RALGPS1: variants seen among roughly 807,000 people sequenced by gnomAD.
The protein encoded by RALGPS1 is ras-specific guanine nucleotide-releasing factor RalGPS1.
Under a neutral mutation model 78.8 loss-of-function variants are expected in RALGPS1, and 19 were observed. The ratio of observed to expected loss-of-function variants is 0.24; its 90% CI spans 0.17 to 0.35. The LOEUF (loss-of-function observed/expected upper bound fraction) is 0.35. Ranked by LOEUF, RALGPS1 falls within the 10% of genes least tolerant of loss-of-function variation. The pLI is 1.00. For missense variants in RALGPS1, 454 were observed against 688.3 expected, an observed-to-expected ratio of 0.66 and a Z score of 3.81; for synonymous variants, 228 against 256.3, an observed-to-expected ratio of 0.89 and a Z score of 1.06.
chr9:127,057,692 A>G (rs1170953650), intron 7 of RALGPS1, among the ~76,000 whole-genome samples: 2 of 152,218 alleles, frequency 1.3e-5, no homozygotes, highest in Non-Finnish European at 2.9e-5. Context: ...TGTAGCAGCC[A>G]TTTCTGATTT....
chr9:127,176,456 G>GACAGCA (rs2059882697), intron 11 of RALGPS1, among the ~76,000 whole-genome samples: 1 of 152,236 alleles, frequency 6.6e-6, no homozygotes, highest in Admixed American at 6.5e-5. Context: ...GACTGTAGGA[G>GACAGCA]ACAGCAGTTG....
At chr9:127,073,973 C>T (rs1478964704) in intron 8 of RALGPS1, among the ~76,000 whole-genome samples, 1 of 152,142 alleles carries the variant, frequency 6.6e-6, no homozygotes, top group African/African-American at 2.4e-5. Context: ...CCTCTGCCTC[C>T]CGGGTTCAAG....
intron 8 of RALGPS1, chr9:127,088,733 T>C (rs2052072617): frequency 1.6e-6 from 1 of 613,980 alleles, no homozygotes. Flanking sequence ...AGGGGCTGTC[T>C]GGTGTGAAGG....
At chr9:127,018,309 TA>T (rs61463787) in intron 4 of RALGPS1, among the ~76,000 whole-genome samples, 76,673 of 145,362 alleles carry the variant, frequency 0.53, 19,959 homozygotes, top group African/African-American at 0.58. Flanking sequence ...ATAGTTAACT[TA>T]AAAAAAAAAA....
At chr9:126,965,720 A>G in intron 2 of RALGPS1, 124 bp from the exon 3 acceptor site, 1 of 692,360 alleles carries the variant, frequency 1.4e-6, no homozygotes, top group South Asian at 1.8e-5. Flanking sequence ...AGCTCTAATC[A>G]ATAGAAGCCA....
rs373061978 is a variant in RALGPS1 at position 127,160,411 on chromosome 9, A to T, written c.611-5658A>T. Among the ~76,000 whole-genome samples the T allele has an allele frequency of 8.9e-4, 135 of 152,272 alleles. 1 individual carries two copies. The highest frequency in any genetic ancestry group is 3.0e-3 in the African/African-American group (125 of 41,542). On this transcript the variant is annotated intron_variant, in intron 8 of 18. Transcript: ENST00000259351. ...AGGGCTTCTGGAGCAGAACGAGGTG[A>T]GAGCTGCCCACTCTGGCCCTGGGGG...
intron 8 of RALGPS1, among the ~76,000 whole-genome samples, chr9:127,114,251 G>T (rs1264666708): frequency 6.6e-6 from 1 of 152,080 alleles, no homozygotes; most frequent in African/African-American, 2.4e-5. Context: ...ATTTTCTGAT[G>T]CCCACAAAGA....
At chr9:127,198,432 C>T (rs562152376) in intron 13 of RALGPS1, among the ~76,000 whole-genome samples, 195 of 152,260 alleles carry the variant, frequency 1.3e-3, no homozygotes, top group Non-Finnish European at 2.1e-3. Flanking sequence ...TTAGAGAGCC[C>T]GGGAGAAGCA....
At chr9:127,013,612 A>G (rs1174803821) in intron 4 of RALGPS1, among the ~76,000 whole-genome samples, 4 of 151,848 alleles carry the variant, frequency 2.6e-5, no homozygotes, top group East Asian at 3.9e-4. Context: ...CTCTACACCC[A>G]TGTCTGCCCC....
At chr9:127,102,028 G>A (rs1008304183) in intron 8 of RALGPS1, among the ~76,000 whole-genome samples, 16 of 152,052 alleles carry the variant, frequency 1.1e-4, no homozygotes, top group South Asian at 2.1e-4. Context: ...CCAGATTCAT[G>A]CCAGGGAGAG....
At chr9:127,136,816 T>C (rs894042200) in intron 8 of RALGPS1, among the ~76,000 whole-genome samples, 1 of 152,158 alleles carries the variant, frequency 6.6e-6, no homozygotes, top group Non-Finnish European at 1.5e-5. Context: ...CAGGTCTGCC[T>C]CACTCCAAAC....
At chr9:127,198,080 A>G (rs2061436145) in intron 13 of RALGPS1, among the ~76,000 whole-genome samples, 2 of 152,246 alleles carry the variant, frequency 1.3e-5, no homozygotes, top group Admixed American at 6.5e-5. Context: ...GAGCTGTCCA[A>G]CGTCCAGACA....
At chr9:127,030,048 T>G (rs1356523519) in intron 4 of RALGPS1, among the ~76,000 whole-genome samples, 4 of 152,246 alleles carry the variant, frequency 2.6e-5, no homozygotes, top group Non-Finnish European at 5.9e-5. Context: ...CTTCTTTGAC[T>G]GTCAGATGAA....
intron 8 of RALGPS1, among the ~76,000 whole-genome samples, chr9:127,071,706 T>C (rs2050218413): frequency 6.6e-6 from 1 of 152,252 alleles, no homozygotes; most frequent in Non-Finnish European, 1.5e-5. Flanking sequence ...TGATATTCTT[T>C]AAATACTCCC....
intron 4 of RALGPS1, among the ~76,000 whole-genome samples, chr9:127,033,342 A>C (rs2046585395): frequency 6.6e-6 from 1 of 152,038 alleles, no homozygotes; most frequent in Non-Finnish European, 1.5e-5. Context: ...GTCAGGTCCT[A>C]AGGTCTGTTT....
At chr9:126,927,249 C>A (rs1376534969) in intron 1 of RALGPS1, among the ~76,000 whole-genome samples, 1 of 152,054 alleles carries the variant, frequency 6.6e-6, no homozygotes, top group East Asian at 1.9e-4. Flanking sequence ...AGGATGGGAT[C>A]ACTCAGGAAG....
chr9:127,120,025 C>T (rs1321415809), intron 8 of RALGPS1, among the ~76,000 whole-genome samples: 2 of 152,214 alleles, frequency 1.3e-5, no homozygotes, highest in Admixed American at 1.3e-4. Context: ...GGGGCCACAG[C>T]ACAGAAGCTC....
intron 11 of RALGPS1, among the ~76,000 whole-genome samples, chr9:127,181,968 C>T (rs2060247296): frequency 6.6e-6 from 1 of 151,914 alleles, no homozygotes; most frequent in Non-Finnish European, 1.5e-5. Flanking sequence ...CCCTGGAGCT[C>T]CTCAAGGAGG....
chr9:127,150,958 C>T (rs527652975), intron 8 of RALGPS1, among the ~76,000 whole-genome samples: 22 of 151,988 alleles, frequency 1.4e-4, no homozygotes, highest in African/African-American at 3.9e-4. Context: ...CCGAGGCGGG[C>T]GGATCACGAG....
Sources: gnomAD v4.1 joint callset for allele counts (sites outside exome capture counted in the v4.1 genomes callset) on GRCh38, gnomAD v4.1.1 for gene constraint, MANE v1.5 for transcripts, NCBI Gene and HGNC (gene_info 2026-07-23, HGNC 2026-07-21) for gene names.